The following RSRC1 variants were observed in gnomAD, a reference collection of about 807,000 sequenced individuals.
RSRC1 encodes serine/Arginine-related protein 53.
A neutral mutation model predicts 49.1 loss-of-function variants in RSRC1; 39 were observed. The observed-to-expected ratio is 0.79, with a 90% CI of 0.61 to 1.04. The LOEUF (loss-of-function observed/expected upper bound fraction) is 1.04. Among genes scored for constraint, RSRC1 ranks in the 50% least tolerant of loss-of-function variants. The pLI is 0.00. For missense variants in RSRC1, 388 were observed against 402.4 expected (o/e 0.96, Z 0.31); for synonymous variants, 143 against 130.8 (o/e 1.09, Z -0.63).
intron 3 of RSRC1, among the ~76,000 whole-genome samples, chr3:158,191,927 A>C (rs774331329): frequency 3.9e-5 from 6 of 152,058 alleles, no homozygotes; most frequent in Admixed American, 6.6e-5. Context: ...GTTTTATTCA[A>C]AATTGTGTAA....
chr3:158,210,520 G>C (rs1037888937), intron 4 of RSRC1, among the ~76,000 whole-genome samples: 1 of 150,436 alleles, frequency 6.6e-6, no homozygotes, highest in African/African-American at 2.4e-5. Flanking sequence ...TGTTAAGCAG[G>C]TAAACAAATA....
chr3:158,266,514 T>C (rs1369679716), intron 4 of RSRC1, among the ~76,000 whole-genome samples: 1 of 152,226 alleles, frequency 6.6e-6, no homozygotes, highest in Non-Finnish European at 1.5e-5. Flanking sequence ...TTGGTTTACT[T>C]GAAAAGAGTG....
At chr3:158,265,696 T>G (rs1725133446) in intron 4 of RSRC1, among the ~76,000 whole-genome samples, 1 of 152,222 alleles carries the variant, frequency 6.6e-6, no homozygotes, top group Non-Finnish European at 1.5e-5. Flanking sequence ...ATGACTTTTT[T>G]TCCGCCACTT....
At chr3:158,197,075 G>A (rs1333029832) in intron 3 of RSRC1, among the ~76,000 whole-genome samples, 1 of 152,134 alleles carries the variant, frequency 6.6e-6, no homozygotes, top group East Asian at 1.9e-4. Flanking sequence ...CAGAAGGAAT[G>A]GTATCAGCTC....
chr3:158,317,989 A>G (rs1182285170), intron 5 of RSRC1, among the ~76,000 whole-genome samples: 6 of 151,986 alleles, frequency 3.9e-5, no homozygotes, highest in Non-Finnish European at 8.8e-5. Context: ...ACACTAACTC[A>G]TAAACTTTCT....
At chr3:158,435,948 CTAAT>C (rs146367915) in intron 6 of RSRC1, among the ~76,000 whole-genome samples, 8,118 of 151,720 alleles carry the variant, frequency 0.054, 311 homozygotes, top group South Asian at 0.1. Context: ...ATGGAATGTA[CTAAT>C]TAATGTAATT....
At chr3:158,225,764 A>G (rs1410574311) in intron 4 of RSRC1, 4 of 428,110 alleles carry the variant, frequency 9.3e-6, no homozygotes, top group African/African-American at 6.2e-5. Flanking sequence ...CCTTAGAAAC[A>G]TTTTTACATT....
chr3:158,308,258 G>A (rs1050079660), intron 5 of RSRC1, among the ~76,000 whole-genome samples: 7 of 151,938 alleles, frequency 4.6e-5, no homozygotes, highest in Non-Finnish European at 1.0e-4. Context: ...CCAGTGGTTT[G>A]TACGCAATTT....
chr3:158,150,298 G>A (rs773922249), intron 3 of RSRC1, among the ~76,000 whole-genome samples: 11 of 152,122 alleles, frequency 7.2e-5, no homozygotes, highest in Admixed American at 5.9e-4. Context: ...ACCAGTATAA[G>A]ATTATGTTTG....
intron 3 of RSRC1, among the ~76,000 whole-genome samples, chr3:158,129,415 C>CG (rs1472936296): frequency 1.3e-5 from 2 of 151,176 alleles, no homozygotes; most frequent in African/African-American, 4.9e-5. Context: ...CTCAGCCTCC[C>CG]GGGTAGCTGG....
chr3:158,393,386 G>C (rs2108297133), intron 6 of RSRC1, among the ~76,000 whole-genome samples: 1 of 151,786 alleles, frequency 6.6e-6, no homozygotes, highest in African/African-American at 2.4e-5. Flanking sequence ...TATGAATCTA[G>C]GACTTGTTTC....
intron 3 of RSRC1, among the ~76,000 whole-genome samples, chr3:158,150,965 G>T (rs1395145824): frequency 6.6e-6 from 1 of 152,080 alleles, no homozygotes; most frequent in African/African-American, 2.4e-5. Flanking sequence ...CTTCAGTGAG[G>T]TTATTTATGT....
At chr3:158,153,250 A>C (rs111926422) in intron 3 of RSRC1, among the ~76,000 whole-genome samples, 1,993 of 152,282 alleles carry the variant, frequency 0.013, 19 homozygotes, top group Non-Finnish European at 0.021. Flanking sequence ...TTAACCATCA[A>C]AGTGATCTGC....
chr3:158,442,841 A>G (rs551173745), intron 6 of RSRC1, among the ~76,000 whole-genome samples: 136 of 152,208 alleles, frequency 8.9e-4, no homozygotes, highest in Admixed American at 1.6e-3. Flanking sequence ...CTTGGAAGTC[A>G]ATTTTTCTGT....
chr3:158,299,834 G>T (rs780584266), intron 5 of RSRC1, among the ~76,000 whole-genome samples: 33 of 152,100 alleles, frequency 2.2e-4, no homozygotes, highest in Non-Finnish European at 4.0e-4. Context: ...TCCAGCAGTG[G>T]TTTTCTAGCT....
intron 1 of RSRC1, among the ~76,000 whole-genome samples, chr3:158,113,357 C>G (rs905489880): frequency 7.1e-6 from 1 of 141,616 alleles, no homozygotes; most frequent in African/African-American, 2.7e-5. Context: ...TTGCCAGCAT[C>G]TGTTGTTTTT....
chr3:158,128,117 C>T (rs1715752847), intron 3 of RSRC1, among the ~76,000 whole-genome samples: 1 of 152,146 alleles, frequency 6.6e-6, no homozygotes, highest in South Asian at 2.1e-4. Flanking sequence ...TTTGTTGGCA[C>T]CCAGAAATCT....
At chr3:158,316,438 A>ATTTTTTTTGTTGTTTTTTTT (rs1728453374) in intron 5 of RSRC1, among the ~76,000 whole-genome samples, 1 of 72,220 alleles carries the variant, frequency 1.4e-5, no homozygotes, top group Non-Finnish European at 2.4e-5. Flanking sequence ...AGAATCTCTC[A>ATTTTTTTTGTTGTTTTTTTT]TTTTTTTTTT....
intron 5 of RSRC1, among the ~76,000 whole-genome samples, chr3:158,332,708 G>A (rs1430843845): frequency 6.6e-6 from 1 of 151,476 alleles, no homozygotes; most frequent in Non-Finnish European, 1.5e-5. Flanking sequence ...AAAACAGATA[G>A]GATTAAGGAT....
Sources: gnomAD v4.1 joint callset for allele counts (sites outside exome capture counted in the v4.1 genomes callset) on GRCh38, gnomAD v4.1.1 for gene constraint, MANE v1.5 for transcripts, NCBI Gene and HGNC (gene_info 2026-07-23, HGNC 2026-07-21) for gene names.